Variants in VCAN observed in about 807,000 individuals in gnomAD.
The protein encoded by VCAN is versican.
A neutral mutation model predicts 245.5 loss-of-function variants in VCAN; 44 were observed. That is an observed-to-expected ratio of 0.18 (90% CI 0.14 to 0.23). The LOEUF (loss-of-function observed/expected upper bound fraction) is 0.23. Among genes scored for constraint, VCAN ranks in the 10% least tolerant of loss-of-function variants. VCAN has a pLI of 1.00. For synonymous variants in VCAN, 1,413 were observed against 1,437.0 expected (o/e 0.98, Z 0.38); for missense variants, 3,793 against 4,057.9 (o/e 0.93, Z 1.77).
intron 5 of VCAN, among the ~76,000 whole-genome samples, chr5:83,510,613 T>C (rs545362699): frequency 5.3e-4 from 80 of 152,358 alleles, no homozygotes; most frequent in African/African-American, 1.9e-3. Flanking sequence ...TGCTTCTGTC[T>C]TTGGTTACTT....
intron 6 of VCAN, among the ~76,000 whole-genome samples, chr5:83,516,334 A>G (rs1191086004): frequency 1.3e-5 from 2 of 152,226 alleles, no homozygotes; most frequent in South Asian, 2.1e-4. Flanking sequence ...CACTGCTCCA[A>G]TCTTTACAGT....
At chr5:83,480,008 G>T (rs893983630) in intron 1 of VCAN, among the ~76,000 whole-genome samples, 2 of 152,176 alleles carry the variant, frequency 1.3e-5, no homozygotes, top group African/African-American at 4.8e-5. Flanking sequence ...CTGCTGCTTG[G>T]TTAATGCTCA....
intron 12 of VCAN, among the ~76,000 whole-genome samples, chr5:83,566,250 C>G (rs1748074569): frequency 6.6e-6 from 1 of 152,154 alleles, no homozygotes; most frequent in Non-Finnish European, 1.5e-5. Context: ...CGTGAGCCAC[C>G]ACACCTGGCC....
chr5:83,483,911 C>T (rs1174586317), intron 2 of VCAN, among the ~76,000 whole-genome samples: 1 of 151,824 alleles, frequency 6.6e-6, no homozygotes, highest in Non-Finnish European at 1.5e-5. Flanking sequence ...CTTTCCTATG[C>T]AAAAAAAGAA....
At position 83,540,595 on chromosome 5, in the gene VCAN, C is replaced by T; in HGVS notation, c.7592C>T (p.Thr2531Ile). The T allele has an allele frequency of 3.7e-6, 6 of 1,613,838 alleles. No homozygotes were observed. Among genetic ancestry groups the T allele is most frequent in the Non-Finnish European group, 5.1e-6 (6 of 1,179,932 alleles). ...CGTTTCAGGGAATTCGAGGATTCCA[C>T]CTTAAAACCTAACAGAAAAAAACCC... ...QDRFREFEDS[T>I]LKPNRKKPTE... Residue 2531 changes from threonine (T) to isoleucine (I), a missense_variant, in exon 8 of 15, where the codon ACC becomes ATC. Thr to Ile is a moderately conservative substitution (Grantham distance 89, BLOSUM62 -1). Around this residue, in one of 5 missense-constraint regions of VCAN, gnomAD observed 3,182 missense variants for 3,250.3 expected, o/e 0.98. Transcript: ENST00000265077.
chr5:83,514,297 A>G (rs2112395333), intron 6 of VCAN, among the ~76,000 whole-genome samples: 1 of 152,304 alleles, frequency 6.6e-6, no homozygotes, highest in Admixed American at 6.5e-5. Context: ...AGACGTTATT[A>G]TATTCAGAAT....
Position 83,537,836 on chromosome 5 carries a change from C to T in VCAN, c.4833C>T (p.Asp1611=). The change falls in exon 8 of 15, where the codon GAC becomes GAT. Residue 1611 remains aspartate, a synonymous_variant. Transcript: ENST00000265077. ...VTLIGNPWPD[D]LLSTKESWVE... is the part of the protein sequence containing the mutation. ...TAATAGGAAATCCTTGGCCAGATGA[C>T]CTGTTGTCTACCAAAGAAAGCTGGG... The T allele has an allele frequency of 1.2e-6, 2 of 1,613,966 alleles. No homozygotes were observed. The highest frequency in any genetic ancestry group is 1.7e-6 in the Non-Finnish European group (2 of 1,179,950).
chr5:83,540,674 A>G lies in VCAN; in HGVS notation c.7671A>G (p.Thr2557=). The change falls in exon 8 of 15, where the codon ACA becomes ACG. Residue 2557 remains threonine (T), a synonymous_variant. Coordinates refer to ENST00000265077, the MANE Select transcript of VCAN (RefSeq NM_004385.5). ...LDKEDKDLIL[T]ITESTILEIL... is the part of the protein sequence containing the mutation. ...AAGAGGACAAGGATTTAATATTGACAATTACAGAGAGTACCATCCTTGAAA... is the reference window on the plus strand; with the variant it reads ...AAGAGGACAAGGATTTAATATTGACGATTACAGAGAGTACCATCCTTGAAA... 6.2e-7 allele frequency: 1 copy of G among 1,614,008 alleles called. No individual in the cohort carries two copies. Among genetic ancestry groups the G allele is most frequent in the Non-Finnish European group, 8.5e-7 (1 of 1,179,974 alleles).
In VCAN at chr5:83,539,630, T is replaced by G; in HGVS notation, c.6627T>G (p.Thr2209=). Residue 2209 remains threonine, a synonymous_variant, in exon 8 of 15, where the codon ACT becomes ACG. Coordinates refer to ENST00000265077, the MANE Select transcript of VCAN (RefSeq NM_004385.5). The part of the protein sequence containing the change: ...ATEKSHFFLA[T]ALVTESIPAE... The stretch of plus-strand genomic sequence containing the variant: ...AAAAGTCACATTTTTTCTTAGCTAC[T>G]GCATTAGTAACTGAATCTATACCAG... The G allele has an allele frequency of 1.2e-6, 2 of 1,614,082 alleles. No individual in the cohort carries two copies. Among genetic ancestry groups the G allele is most frequent in the South Asian group, 1.1e-5 (1 of 91,086 alleles).
chr5:83,522,387 C>A, intron 7 of VCAN, 78 bp downstream of exon 7: 1 of 1,461,202 alleles, frequency 6.8e-7, no homozygotes. Flanking sequence ...GAAAAAAAGT[C>A]AACATACCAA....
At chr5:83,535,780 G>A (rs1561252914) in intron 7 of VCAN, 1 of 152,124 alleles carries the variant, frequency 6.6e-6, no homozygotes, top group Non-Finnish European at 1.5e-5. Context: ...CACTTCTCAG[G>A]TTTGGCCTAT....
At chr5:83,485,236 A>G (rs748311339) in intron 2 of VCAN, among the ~76,000 whole-genome samples, 1 of 152,112 alleles carries the variant, frequency 6.6e-6, no homozygotes, top group Non-Finnish European at 1.5e-5. Context: ...CTTTACCACC[A>G]TGTTATACTT....
rs1746017067 is a variant in VCAN, at chr5:83,519,991, T to G, written c.1685T>G (p.Leu562Arg). Residue 562 changes from leucine (L) to arginine (R), a missense_variant, in exon 7 of 15, where the codon CTT (leucine) becomes CGT (arginine). This residue lies in a region of VCAN where 3,182 missense variants were observed against 3,250.3 expected (regional missense o/e 0.98). Coordinates refer to ENST00000265077, the MANE Select transcript of VCAN (RefSeq NM_004385.5). ...GAAGAGGATGATGAAGACAGAACAC[T>G]TACAGTTGGATCTGATGAGAGCACC... ...LGEEDDEDRT[L>R]TVGSDESTLI... 1 of 1,614,066 alleles carries G rather than the reference T, an allele frequency of 6.2e-7. No homozygotes were observed. Among genetic ancestry groups the G allele is most frequent in the Non-Finnish European group, 8.5e-7 (1 of 1,179,962 alleles).
chr5:83,522,036 A>G lies in VCAN; in HGVS notation c.3730A>G (p.Thr1244Ala), dbSNP rs368704321. Residue 1244 changes from threonine (T) to alanine (A), a missense_variant, in exon 7 of 15, where the codon ACA (threonine) becomes GCA (alanine). Thr to Ala is a moderately conservative substitution (Grantham distance 58, BLOSUM62 0). This residue lies in a region of VCAN where 3,182 missense variants were observed against 3,250.3 expected (regional missense o/e 0.98). Coordinates refer to ENST00000265077, the MANE Select transcript of VCAN (RefSeq NM_004385.5). ...PLIDREPGEE[T>A]TSDMVIIGES... ...CATCGACAGGGAACCTGGTGAAGAA[A>G]CAACCAGTGACATGGTAATCATTGG... 46 of 1,614,086 alleles carry G rather than the reference A, an allele frequency of 2.8e-5. No individual in the cohort carries two copies. The highest frequency in any genetic ancestry group is 3.9e-5 in the Non-Finnish European group (46 of 1,180,034).
chr5:83,560,865 A>G (rs1024937760), intron 12 of VCAN, among the ~76,000 whole-genome samples: 1 of 152,090 alleles, frequency 6.6e-6, no homozygotes, highest in Non-Finnish European at 1.5e-5. Context: ...AGCACCATCA[A>G]AGCTGACCCT....
At chr5:83,560,949 A>G (rs1194682506) in intron 12 of VCAN, among the ~76,000 whole-genome samples, 1 of 152,194 alleles carries the variant, frequency 6.6e-6, no homozygotes, top group African/African-American at 2.4e-5. Flanking sequence ...TTAGATGGCC[A>G]TGTATAGAGG....
intron 12 of VCAN, among the ~76,000 whole-genome samples, chr5:83,569,630 G>T (rs1260873799): frequency 6.6e-6 from 1 of 152,062 alleles, no homozygotes; most frequent in East Asian, 1.9e-4. Flanking sequence ...TGTAGGTAGG[G>T]ACAAAAAATG....
At position 83,540,592 on chromosome 5, in the gene VCAN, C is replaced by A. The variant is rs1746934260; in HGVS notation, c.7589C>A (p.Ser2530Tyr). 1.2e-6 allele frequency: 2 copies of A among 1,613,828 alleles called. No individual in the cohort carries two copies. Among genetic ancestry groups the A allele is most frequent in the East Asian group, 2.2e-5 (1 of 44,836 alleles). The change falls in exon 8 of 15, where the codon TCC (serine) becomes TAC (tyrosine). Residue 2530 changes from serine to tyrosine, a missense_variant. By Grantham distance (144) the Ser-to-Tyr change is moderately radical. Transcript: ENST00000265077. ...FQDRFREFEDSTLKPNRKKPT... is the reference protein window; with the variant it reads ...FQDRFREFEDYTLKPNRKKPT... ...GACCGTTTCAGGGAATTCGAGGATT[C>A]CACCTTAAAACCTAACAGAAAAAAA...
Position 83,531,634 on chromosome 5 carries a change from C to T in VCAN, c.4004-5373C>T, listed in dbSNP as rs201852636. Reference sequence around the variant, plus strand: ...TGCTGAGTAGATTGGTGTACATTTACGTTTAATTAAAAGCTCTTAAACTTA... The same window carrying T: ...TGCTGAGTAGATTGGTGTACATTTATGTTTAATTAAAAGCTCTTAAACTTA... On this transcript the variant is annotated intron_variant, in intron 7 of 14. Transcript: ENST00000265077. Among the ~76,000 whole-genome samples the T allele has an allele frequency of 5.9e-3, 896 of 152,178 alleles. 5 individuals carry two copies. The highest frequency in any genetic ancestry group is 0.01 in the Non-Finnish European group (685 of 67,984).
Sources: allele counts gnomAD v4.1 joint callset (sites outside exome capture counted in the v4.1 genomes callset), GRCh38; gene constraint gnomAD v4.1.1; regional missense constraint gnomAD v4.1.1; transcripts MANE v1.5; gene names NCBI Gene and HGNC (gene_info 2026-07-23, HGNC 2026-07-21).